Variants in VWA5B1 observed in about 807,000 individuals in gnomAD.
VWA5B1 encodes von Willebrand factor A domain containing 5B1.
Under a neutral mutation model 118.2 loss-of-function variants are expected in VWA5B1, and 115 were observed. The ratio of observed to expected loss-of-function variants is 0.97; its 90% CI spans 0.84 to 1.14. The LOEUF is 1.14. Ranked by LOEUF, VWA5B1 falls within the 50% of genes most tolerant of loss-of-function variation. VWA5B1 has a pLI of 0.00. For missense variants in VWA5B1, 1,596 were observed against 1,603.8 expected (o/e 1.00, Z 0.08); for synonymous variants, 682 against 658.4 (o/e 1.04, Z -0.55).
chr1:20,308,970 G>A (rs2088757416), intron 1 of VWA5B1, among the ~76,000 whole-genome samples: 1 of 152,116 alleles, frequency 6.6e-6, no homozygotes, highest in African/African-American at 2.4e-5. Flanking sequence ...AAAACCAGAG[G>A]GAATCTGACC....
At chr1:20,291,361 C>CTTTCTTTCTT (rs1444209981) in intron 1 of VWA5B1, among the ~76,000 whole-genome samples, 178 of 135,666 alleles carry the variant, frequency 1.3e-3, no homozygotes, top group African/African-American at 4.8e-3. Flanking sequence ...TTCTTTCTTT[C>CTTTCTTTCTT]TCTCTCTCTC....
intron 17 of VWA5B1, among the ~76,000 whole-genome samples, chr1:20,347,139 C>G (rs749631081): frequency 1.8e-4 from 28 of 152,172 alleles, no homozygotes; most frequent in Admixed American, 5.2e-4. Context: ...AACTAGAGCT[C>G]TAGTCTCATG....
intron 1 of VWA5B1, among the ~76,000 whole-genome samples, chr1:20,305,724 G>A (rs969787405): frequency 6.6e-6 from 1 of 152,010 alleles, no homozygotes; most frequent in African/African-American, 2.4e-5. Context: ...CTTCCCCCAT[G>A]GTTTGATGGC....
chr1:20,330,281 G>A lies in VWA5B1; in HGVS notation c.1356G>A (p.Val452=), dbSNP rs1557855379. The change falls in exon 10 of 22, where the codon GTG becomes GTA. Residue 452 remains valine, a synonymous_variant. Transcript: ENST00000289815. The part of the protein sequence containing the change: ...SPLKWVIRQP[V]HRGHPRLLFV... ...TCAAGTGGGTCATCAGGCAGCCAGT[G>A]CACCGAGGCCACCCGCGGCTCCTCT... 1.2e-5 allele frequency: 18 copies of A among 1,551,818 alleles called. No homozygotes were observed. The highest frequency in any genetic ancestry group is 1.5e-5 in the Non-Finnish European group (17 of 1,147,040).
At chr1:20,348,994 C>T in intron 18 of VWA5B1, 2 of 244,656 alleles carry the variant, frequency 8.2e-6, no homozygotes, top group Middle Eastern at 9.6e-4. Flanking sequence ...CCCTCACGTG[C>T]ACAGGGAGGA....
intron 18 of VWA5B1, 57 bp from the exon 19 acceptor site, chr1:20,350,099 G>A (rs538012693): frequency 9.9e-6 from 15 of 1,508,736 alleles, no homozygotes; most frequent in Non-Finnish European, 1.4e-5. Flanking sequence ...CTCCTGAGGG[G>A]ATGGGAGGCG....
chr1:20,293,657 C>G (rs907721523), intron 1 of VWA5B1, among the ~76,000 whole-genome samples: 10 of 152,220 alleles, frequency 6.6e-5, no homozygotes, highest in Non-Finnish European at 1.2e-4. Flanking sequence ...AGGAAGCTGA[C>G]AGACATCCCT....
At position 20,337,842 on chromosome 1, in the gene VWA5B1, C is replaced by T. The variant is rs1172470253; in HGVS notation, c.2133+6C>T. 6.4e-7 allele frequency: 1 copy of T among 1,551,450 alleles called. No individual in the cohort carries two copies. The highest frequency in any genetic ancestry group is 2.0e-5 in the Admixed American group (1 of 50,988). Reference sequence around the variant, plus strand: ...GGTGGCAGATTGATTTGCAGGTACCCAAGCAGGACAGATTAGGGAGGAGCT... The same window carrying T: ...GGTGGCAGATTGATTTGCAGGTACCTAAGCAGGACAGATTAGGGAGGAGCT... On this transcript the variant is annotated splice_donor_region_variant and intron_variant, in intron 14 of 21. Transcript: ENST00000289815.
At chr1:20,342,390 C>G in intron 14 of VWA5B1, 42 bp from the exon 15 acceptor site, 4 of 1,532,258 alleles carry the variant, frequency 2.6e-6, no homozygotes, top group South Asian at 1.2e-5. Context: ...CCTCCTCCTC[C>G]TCGTCCTCCT....
chr1:20,317,304 A>G (rs7535412), intron 4 of VWA5B1, among the ~76,000 whole-genome samples: 28,064 of 152,014 alleles, frequency 0.18, 3,061 homozygotes, highest in East Asian at 0.54. Flanking sequence ...CATCGGGAGC[A>G]CCGTGCCTGG....
rs79839570 is a variant in VWA5B1, at chr1:20,310,147, G to A, written c.-26-429G>A. Among the ~76,000 whole-genome samples the A allele has an allele frequency of 4.6e-5, 7 of 152,192 alleles. No individual in the cohort carries two copies. The East Asian group carries it at 1.2e-3, about 25-fold the overall frequency. On this transcript the variant is annotated intron_variant, in intron 1 of 21. Transcript: ENST00000289815. Reference sequence around the variant, plus strand: ...GAGGGACGTGGTGAGCTATTCCAACGCTCTCATTCTGCAGAGGCAACATCT... The same window carrying A: ...GAGGGACGTGGTGAGCTATTCCAACACTCTCATTCTGCAGAGGCAACATCT...
intron 1 of VWA5B1, among the ~76,000 whole-genome samples, chr1:20,299,894 A>G (rs2088474593): frequency 6.6e-6 from 1 of 152,238 alleles, no homozygotes; most frequent in South Asian, 2.1e-4. Flanking sequence ...GAAGCCAGTG[A>G]GAGGTAGAGC....
chr1:20,346,548 T>G (rs2090012934), intron 17 of VWA5B1, among the ~76,000 whole-genome samples: 2 of 152,250 alleles, frequency 1.3e-5, no homozygotes, highest in African/African-American at 4.8e-5. Context: ...GATTGCAATG[T>G]CAAGGGGATG....
intron 12 of VWA5B1, 124 bp from the exon 13 acceptor site, chr1:20,336,179 C>G (rs2089710214): frequency 1.2e-6 from 1 of 809,266 alleles, no homozygotes; most frequent in Non-Finnish European, 1.7e-6. Flanking sequence ...ACAAAGCTTT[C>G]CTGTTGAGCT....
At chr1:20,328,559 G>C (rs1035787266) in intron 9 of VWA5B1, among the ~76,000 whole-genome samples, 7 of 152,068 alleles carry the variant, frequency 4.6e-5, no homozygotes, top group Non-Finnish European at 8.8e-5. Context: ...AAGGAAAGGA[G>C]GGAGGAAGGA....
At chr1:20,298,994 T>C (rs961095181) in intron 1 of VWA5B1, among the ~76,000 whole-genome samples, 1 of 152,176 alleles carries the variant, frequency 6.6e-6, no homozygotes, top group Admixed American at 6.5e-5. Flanking sequence ...TTTATGACCT[T>C]GGGCAGTTTT....
chr1:20,335,255 C>T (rs2089679853), intron 12 of VWA5B1, among the ~76,000 whole-genome samples: 1 of 151,968 alleles, frequency 6.6e-6, no homozygotes, highest in Non-Finnish European at 1.5e-5. Context: ...TTGGAGGCTG[C>T]AGTGAACTGA....
At chr1:20,299,584 A>G (rs751781739) in intron 1 of VWA5B1, among the ~76,000 whole-genome samples, 10 of 152,088 alleles carry the variant, frequency 6.6e-5, no homozygotes, top group Non-Finnish European at 1.0e-4. Flanking sequence ...TTGTAGTTTT[A>G]GTAAAGGCGG....
At chr1:20,315,884 T>G (rs1212435048) in intron 4 of VWA5B1, among the ~76,000 whole-genome samples, 1 of 152,184 alleles carries the variant, frequency 6.6e-6, no homozygotes, top group Non-Finnish European at 1.5e-5. Context: ...TCTTTGTAAG[T>G]GTTGCCAGTG....
Sources: allele counts gnomAD v4.1 joint callset (sites outside exome capture counted in the v4.1 genomes callset), GRCh38; gene constraint gnomAD v4.1.1; transcripts MANE v1.5; gene names NCBI Gene and HGNC (gene_info 2026-07-23, HGNC 2026-07-21).